MYOM1: variants seen among roughly 807,000 people sequenced by gnomAD.
MYOM1 encodes myomesin 1, also known as myomesin-1.
Under a neutral mutation model 205.3 loss-of-function variants are expected in MYOM1, and 164 were observed. The ratio of observed to expected loss-of-function variants is 0.80; its 90% CI spans 0.70 to 0.91. The LOEUF is 0.91. MYOM1 is among the 40% of genes least tolerant of loss of function. MYOM1 has a pLI of 0.00. For synonymous variants in MYOM1, 772 were observed against 789.4 expected (o/e 0.98, Z 0.37); for missense variants, 2,011 against 2,127.3 (o/e 0.95, Z 1.08).
chr18:3,164,507 C>G, intron 9 of MYOM1, 68 bp from the exon 10 acceptor site: 1 of 1,380,576 alleles, frequency 7.2e-7, no homozygotes, highest in Non-Finnish European at 9.8e-7. Flanking sequence ...TGTCTCCCCT[C>G]CATTCCTCTC....
rs7227886 is a variant in MYOM1 at position 3,067,601 on chromosome 18, A to G, written c.4765-46T>C. 127,428 of 1,575,130 alleles carry G rather than the reference A, an allele frequency of 0.081. 5,594 individuals carry two copies. Among genetic ancestry groups the G allele is most frequent in the Middle Eastern group, 0.12 (632 of 5,348 alleles). On this transcript the variant is annotated intron_variant, in intron 37 of 37. Coordinates refer to ENST00000356443, the MANE Select transcript of MYOM1 (RefSeq NM_003803.4). ...GAGAGAAGAAGATAAATTAGATGTA[A>G]TAGACACACTGTCAACAATCTTGCC... is the stretch of plus-strand genomic sequence containing the variant.
chr18:3,164,577 G>A (rs1391790450), intron 9 of MYOM1, 138 bp from the exon 10 acceptor site: 3 of 830,282 alleles, frequency 3.6e-6, no homozygotes, highest in Non-Finnish European at 5.4e-6. Flanking sequence ...AGGACTTTGA[G>A]CCATCCTGAT....
chr18:3,070,886 G>A (rs2078952280), intron 37 of MYOM1, among the ~76,000 whole-genome samples: 1 of 151,972 alleles, frequency 6.6e-6, no homozygotes, highest in African/African-American at 2.4e-5. Flanking sequence ...AGACTCCCGA[G>A]TAGCTGGGAC....
rs949856941 is a variant in MYOM1 at position 3,164,390 on chromosome 18, C to T, written c.1389G>A (p.Glu463=). 5.0e-6 allele frequency: 8 copies of T among 1,610,720 alleles called. No individual in the cohort carries two copies. Among genetic ancestry groups the T allele is most frequent in the Non-Finnish European group, 6.8e-6 (8 of 1,178,284 alleles). Residue 463 remains glutamate (E), a synonymous_variant, in exon 10 of 38, where the codon GAG becomes GAA. Coordinates refer to ENST00000356443, the MANE Select transcript of MYOM1 (RefSeq NM_003803.4). ...GATGGGAAAATGTCAGCGTTGCCCGCTCTCCACTCCAAAGTGTTTGCACCC... is the reference window on the plus strand; with the variant it reads ...GATGGGAAAATGTCAGCGTTGCCCGTTCTCCACTCCAAAGTGTTTGCACCC... The part of the protein sequence containing the change: ...SKWVQTLWSG[E]RATLTFSHLN...
intron 2 of MYOM1, among the ~76,000 whole-genome samples, chr18:3,210,975 T>C (rs1367866598): frequency 1.3e-5 from 2 of 152,196 alleles, no homozygotes; most frequent in African/African-American, 4.8e-5. Flanking sequence ...AATTACGTCA[T>C]ATAGGCTGAA....
At chr18:3,242,046 T>C in the MYOM1 span, among the ~76,000 whole-genome samples, 1 of 152,228 alleles carries the variant, frequency 6.6e-6, no homozygotes, top group Non-Finnish European at 1.5e-5. Flanking sequence ...CTTTTAATTT[T>C]ACAGGCTCAC....
chr18:3,083,394 TCTTTCTTTC>T (rs2079107796), intron 33 of MYOM1, among the ~76,000 whole-genome samples: 3 of 151,184 alleles, frequency 2.0e-5, no homozygotes, highest in African/African-American at 7.3e-5. Flanking sequence ...AATTTCTTTT[TCTTTCTTTC>T]TTTTCTTTTT....
chr18:3,195,966 A>AT (rs1165492529), intron 2 of MYOM1, among the ~76,000 whole-genome samples: 1 of 152,194 alleles, frequency 6.6e-6, no homozygotes. Flanking sequence ...GAACAGAAGA[A>AT]TTTTTAAAAA....
intron 10 of MYOM1, among the ~76,000 whole-genome samples, chr18:3,160,338 T>C (rs1245862654): frequency 6.6e-6 from 1 of 151,966 alleles, no homozygotes; most frequent in Non-Finnish European, 1.5e-5. Context: ...CAGGCATGCA[T>C]CACACCCAGC....
intron 10 of MYOM1, among the ~76,000 whole-genome samples, chr18:3,162,647 T>C (rs1292821763): frequency 1.3e-5 from 2 of 152,210 alleles, no homozygotes; most frequent in Non-Finnish European, 2.9e-5. Context: ...ACTACCCTGG[T>C]AGCCTAAAAG....
rs541637824 is a variant in MYOM1 at position 3,142,030 on chromosome 18, G to T, written c.1934C>A (p.Ser645Tyr). 2 of 1,613,886 alleles carry T rather than the reference G, an allele frequency of 1.2e-6. No homozygotes were observed. Among genetic ancestry groups the T allele is most frequent in the East Asian group, 2.2e-5 (1 of 44,876 alleles). Residue 645 changes from serine to tyrosine, a missense_variant, in exon 14 of 38, where the codon TCT (serine) becomes TAT (tyrosine). Physicochemically the swap from Ser to Tyr is moderately radical, Grantham distance 144. Coordinates refer to ENST00000356443, the MANE Select transcript of MYOM1 (RefSeq NM_003803.4). The stretch of plus-strand genomic sequence containing the variant: ...ATAGCTCCGGGTGGCCTCAGTGACA[G>T]AGAGGTCTGTCGGGGGGCCAGGCAC... ...GIVPGPPTDL[S>Y]VTEATRSYVV... is the part of the protein sequence containing the mutation.
intron 22 of MYOM1, among the ~76,000 whole-genome samples, chr18:3,111,680 T>C (rs568656956): frequency 6.6e-6 from 1 of 152,354 alleles, no homozygotes; most frequent in South Asian, 2.1e-4. Flanking sequence ...CATCACATTA[T>C]ATAATACATA....
At chr18:3,177,445 CATTATTATTATTATTATTATTATT>C (rs138933689) in intron 5 of MYOM1, among the ~76,000 whole-genome samples, 3 of 139,262 alleles carry the variant, frequency 2.2e-5, no homozygotes, top group Admixed American at 7.2e-5. Context: ...GAAGCAATAT[CATTATTATTATTATTATTATTATT>C]ATTATTATTA....
chr18:3,153,858 G>A (rs1193981285), intron 11 of MYOM1, among the ~76,000 whole-genome samples: 2 of 152,118 alleles, frequency 1.3e-5, no homozygotes, highest in East Asian at 3.8e-4. Flanking sequence ...TTGGAACAAC[G>A]ATCTGAATAG....
intron 29 of MYOM1, among the ~76,000 whole-genome samples, chr18:3,087,344 G>A (rs1450379773): frequency 6.6e-6 from 1 of 151,142 alleles, no homozygotes; most frequent in Non-Finnish European, 1.5e-5. Flanking sequence ...AAGCCGTGGT[G>A]ACTTCCTGCA....
At chr18:3,241,085 G>C in the MYOM1 span, among the ~76,000 whole-genome samples, 1 of 152,328 alleles carries the variant, frequency 6.6e-6, no homozygotes, top group South Asian at 2.1e-4. Flanking sequence ...GAGCATGAAA[G>C]TCTGGAAAAT....
intron 21 of MYOM1, among the ~76,000 whole-genome samples, chr18:3,115,001 T>G (rs8098635): frequency 0.87 from 132,210 of 151,598 alleles, 58,172 homozygotes; most frequent in East Asian, 0.97. Flanking sequence ...CGCTTCACCC[T>G]AGTCAGTTCA....
chr18:3,180,919 G>T (rs2080720133), intron 5 of MYOM1, among the ~76,000 whole-genome samples: 1 of 150,668 alleles, frequency 6.6e-6, no homozygotes, highest in Non-Finnish European at 1.5e-5. Flanking sequence ...TGCACACCGA[G>T]ATGATCTTTT....
In MYOM1 at chr18:3,151,687, T is replaced by G. The variant is rs567183951; in HGVS notation, c.1843+7A>C. On this transcript the variant is annotated splice_region_variant and intron_variant, in intron 12 of 37. Coordinates refer to ENST00000356443, the MANE Select transcript of MYOM1 (RefSeq NM_003803.4). The stretch of plus-strand genomic sequence containing the variant: ...AGGGAAGGTCCTGAAAAATGAAAAG[T>G]GCTTACTTTTAAGTCTAGCTTTCTC... 4 of 1,608,616 alleles carry G rather than the reference T, an allele frequency of 2.5e-6. No individual in the cohort carries two copies. The South Asian group carries it at 4.4e-5, about 18-fold the overall frequency.
Sources: gnomAD v4.1 joint callset for allele counts (sites outside exome capture counted in the v4.1 genomes callset) on GRCh38, gnomAD v4.1.1 for gene constraint, MANE v1.5 for transcripts, NCBI Gene and HGNC (gene_info 2026-07-23, HGNC 2026-07-21) for gene names.